The following TMTC2 variants were observed in gnomAD, a reference collection of about 807,000 sequenced individuals.
TMTC2 encodes the protein protein O-mannosyl-transferase TMTC2.
A neutral mutation model predicts 82.4 loss-of-function variants in TMTC2; 43 were observed. The observed-to-expected ratio is 0.52, with a 90% CI of 0.41 to 0.67. The LOEUF (loss-of-function observed/expected upper bound fraction) is 0.67. TMTC2 is among the 30% of genes least tolerant of loss of function. TMTC2 has a pLI of 0.00. For synonymous variants in TMTC2, 408 were observed against 381.9 expected, an observed-to-expected ratio of 1.07 and a Z score of -0.80; for missense variants, 919 against 1,012.4, an observed-to-expected ratio of 0.91 and a Z score of 1.25.
intron 1 of TMTC2, among the ~76,000 whole-genome samples, chr12:82,735,700 C>T (rs532397911): frequency 3.8e-4 from 56 of 148,568 alleles, no homozygotes; most frequent in African/African-American, 1.4e-3. Flanking sequence ...GGTGCGGTGG[C>T]TCACGCCTGT....
At chr12:82,980,548 G>A (rs1878871094) in intron 7 of TMTC2, among the ~76,000 whole-genome samples, 1 of 151,714 alleles carries the variant, frequency 6.6e-6, no homozygotes, top group Non-Finnish European at 1.5e-5. Context: ...ATTAGGGGCT[G>A]GAAGCCTGCA....
chr12:83,057,262 G>A (rs1882580397), intron 10 of TMTC2, among the ~76,000 whole-genome samples: 1 of 151,896 alleles, frequency 6.6e-6, no homozygotes, highest in Non-Finnish European at 1.5e-5. Context: ...AAACTGTCAT[G>A]GGGCATCAAG....
intron 11 of TMTC2, among the ~76,000 whole-genome samples, chr12:83,099,344 T>C (rs1361418747): frequency 6.6e-6 from 1 of 152,146 alleles, no homozygotes; most frequent in East Asian, 1.9e-4. Flanking sequence ...AACAAATGAG[T>C]AACGTTTAAT....
chr12:82,851,328 G>A (rs1216998402), intron 1 of TMTC2, among the ~76,000 whole-genome samples: 2 of 152,018 alleles, frequency 1.3e-5, no homozygotes, highest in Non-Finnish European at 2.9e-5. Context: ...TACTGGGGAG[G>A]CTGAGGCAGG....
intron 1 of TMTC2, among the ~76,000 whole-genome samples, chr12:82,729,560 G>C (rs976181948): frequency 2.0e-5 from 3 of 152,282 alleles, no homozygotes; most frequent in South Asian, 4.1e-4. Flanking sequence ...AGCTAGTCTC[G>C]TGGGGAAGTG....
intron 1 of TMTC2, among the ~76,000 whole-genome samples, chr12:82,736,467 G>T (rs1015720489): frequency 3.9e-5 from 6 of 152,080 alleles, no homozygotes; most frequent in African/African-American, 1.4e-4. Context: ...ATTCCTCTGT[G>T]ATTTCAGTAG....
At chr12:82,882,087 C>T (rs538304061) in intron 2 of TMTC2, among the ~76,000 whole-genome samples, 34 of 147,440 alleles carry the variant, frequency 2.3e-4, no homozygotes, top group Non-Finnish European at 4.5e-4. Context: ...GCAAGCTCCG[C>T]CTCCCGGGTT....
At chr12:83,075,820 C>CATGCTACAGT (rs1312469556) in intron 11 of TMTC2, among the ~76,000 whole-genome samples, 2 of 152,212 alleles carry the variant, frequency 1.3e-5, no homozygotes, top group Non-Finnish European at 2.9e-5. Context: ...AAATTATGTT[C>CATGCTACAGT]ATGCTGCAGT....
chr12:82,996,922 GC>G (rs1825149071), intron 8 of TMTC2, among the ~76,000 whole-genome samples: 1 of 152,080 alleles, frequency 6.6e-6, no homozygotes, highest in South Asian at 2.1e-4. Context: ...TTGATCCGAA[GC>G]CTATGACCTT....
intron 8 of TMTC2, among the ~76,000 whole-genome samples, chr12:82,997,364 ATG>A (rs1281409243): frequency 6.9e-5 from 2 of 28,936 alleles, no homozygotes; most frequent in African/African-American, 1.6e-4. Context: ...ATATATATAT[ATG>A]TGTATATATA....
At chr12:83,061,155 C>G (rs1232057377) in intron 10 of TMTC2, among the ~76,000 whole-genome samples, 1 of 151,776 alleles carries the variant, frequency 6.6e-6, no homozygotes, top group Non-Finnish European at 1.5e-5. Context: ...CTTTCTGTCA[C>G]TTAGGAATGA....
intron 11 of TMTC2, among the ~76,000 whole-genome samples, chr12:83,078,384 C>CA (rs1341408405): frequency 6.6e-6 from 1 of 152,134 alleles, no homozygotes; most frequent in Non-Finnish European, 1.5e-5. Context: ...ATGTGGGAAT[C>CA]AACAGCTGCT....
Position 83,032,978 on chromosome 12 carries a change from C to T in TMTC2, c.2152+2099C>T, listed in dbSNP as rs1441439346. ...GGATTGTTTTAAGTATTTTGGCATA[C>T]ATACATTATAAGAAGTATTTTATTT... On this transcript the variant is annotated intron_variant, in intron 9 of 11. Transcript: ENST00000321196. Among the ~76,000 whole-genome samples the T allele has an allele frequency of 3.3e-5, 5 of 152,262 alleles. No individual in the cohort carries two copies. The East Asian group carries it at 9.6e-4, about 29-fold the overall frequency.
intron 1 of TMTC2, among the ~76,000 whole-genome samples, chr12:82,797,327 T>C (rs534866954): frequency 7.5e-4 from 114 of 152,334 alleles, no homozygotes; most frequent in African/African-American, 2.4e-3. Flanking sequence ...TCACATTAAT[T>C]GTTTTATTCA....
chr12:82,745,899 T>G (rs1413958528), intron 1 of TMTC2, among the ~76,000 whole-genome samples: 1 of 152,140 alleles, frequency 6.6e-6, no homozygotes, highest in Non-Finnish European at 1.5e-5. Context: ...GCAAAATGAT[T>G]GAGACTTCAG....
chr12:82,841,950 GT>G (rs1870359591), intron 1 of TMTC2, among the ~76,000 whole-genome samples: 1 of 152,254 alleles, frequency 6.6e-6, no homozygotes, highest in East Asian at 1.9e-4. Flanking sequence ...GTACAAAAGT[GT>G]TTTTTATAGC....
chr12:82,819,541 G>A (rs1000853148), intron 1 of TMTC2, among the ~76,000 whole-genome samples: 1 of 117,522 alleles, frequency 8.5e-6, no homozygotes, highest in Non-Finnish European at 1.6e-5. Context: ...CGCTCTCGTT[G>A]CCCAGGCTGG....
rs375338925 is a variant in TMTC2 at position 83,035,884 on chromosome 12, C to T, written c.2152+5005C>T. Among the ~76,000 whole-genome samples, 4 of 152,042 alleles carry T rather than the reference C, an allele frequency of 2.6e-5. No individual in the cohort carries two copies. The East Asian group carries it at 5.8e-4, about 22-fold the overall frequency. ...GTAGTAAATTTGGTGTCAATTGAAA[C>T]AATTTAAATCAATGAACATTTGTTA... is the stretch of plus-strand genomic sequence containing the variant. On this transcript the variant is annotated intron_variant, in intron 9 of 11. Coordinates refer to ENST00000321196, the MANE Select transcript of TMTC2 (RefSeq NM_152588.3).
chr12:82,943,270 T>C (rs1876821309), intron 4 of TMTC2, among the ~76,000 whole-genome samples: 1 of 152,212 alleles, frequency 6.6e-6, no homozygotes, highest in Non-Finnish European at 1.5e-5. Flanking sequence ...ATCCAAGTAG[T>C]ATTGGATGAA....
Sources: allele counts gnomAD v4.1 joint callset (sites outside exome capture counted in the v4.1 genomes callset), GRCh38; gene constraint gnomAD v4.1.1; transcripts MANE v1.5; gene names NCBI Gene and HGNC (gene_info 2026-07-23, HGNC 2026-07-21).